The following ATP8B1 variants were observed in gnomAD, a reference collection of about 807,000 sequenced individuals.
ATP8B1 encodes ATPase phospholipid transporting 8B1.
In ATP8B1, 80 loss-of-function variants were observed where a neutral mutation model predicts 149.9. The ratio of observed to expected loss-of-function variants is 0.53; its 90% CI spans 0.45 to 0.64. ATP8B1 has a LOEUF of 0.64. Among genes scored for constraint, ATP8B1 ranks in the 30% least tolerant of loss-of-function variants. ATP8B1 has a pLI of 0.00. For synonymous variants in ATP8B1, 536 were observed against 562.8 expected (o/e 0.95, Z 0.67); for missense variants, 1,247 against 1,552.6 (o/e 0.80, Z 3.31).
chr18:57,662,942 T>C (rs1422936532), intron 20 of ATP8B1, among the ~76,000 whole-genome samples: 4 of 152,108 alleles, frequency 2.6e-5, no homozygotes, highest in Non-Finnish European at 5.9e-5. Context: ...TTTGTAGCAA[T>C]AGGGTTTTGC....
At chr18:57,719,330 C>G (rs1004456486) in intron 2 of ATP8B1, among the ~76,000 whole-genome samples, 12 of 152,210 alleles carry the variant, frequency 7.9e-5, no homozygotes, top group Non-Finnish European at 1.6e-4. Context: ...GGTGATTTCT[C>G]CATTTCCATC....
At chr18:57,666,312 A>T (rs1910852022) in intron 20 of ATP8B1, among the ~76,000 whole-genome samples, 1 of 152,136 alleles carries the variant, frequency 6.6e-6, no homozygotes, top group South Asian at 2.1e-4. Flanking sequence ...TAACATTTGA[A>T]TTATCAGGCC....
chr18:57,686,287 A>G lies in ATP8B1; in HGVS notation c.1430-1172T>C, dbSNP rs544995396. Among the ~76,000 whole-genome samples the G allele has an allele frequency of 3.9e-5, 6 of 152,186 alleles. No individual in the cohort carries two copies. In the South Asian group the frequency reaches 1.0e-3, roughly 26 times the overall value. ...CAAAAACAAAAACAACAAAGAAAAC[A>G]AACAATTGTAGTGAAATACACATAA... On this transcript the variant is annotated intron_variant, in intron 13 of 27. Coordinates refer to ENST00000648908, the MANE Select transcript of ATP8B1 (RefSeq NM_001374385.1).
At chr18:57,794,796 G>GAA (rs1278845435) in intron 1 of ATP8B1, among the ~76,000 whole-genome samples, 2 of 67,182 alleles carry the variant, frequency 3.0e-5, no homozygotes, top group Admixed American at 1.5e-4. Context: ...GCCTCAAAAA[G>GAA]AAAGAAAGAA....
At chr18:57,763,686 A>G (rs1023277499) in intron 1 of ATP8B1, among the ~76,000 whole-genome samples, 22 of 143,058 alleles carry the variant, frequency 1.5e-4, no homozygotes, top group Admixed American at 9.7e-4. Flanking sequence ...CTCTGACACA[A>G]TTCTTCACTG....
intron 12 of ATP8B1, among the ~76,000 whole-genome samples, chr18:57,689,127 A>C (rs1912403204): frequency 6.6e-6 from 1 of 152,172 alleles, no homozygotes; most frequent in African/African-American, 2.4e-5. Context: ...TGTTCAGAAT[A>C]CACAGCCCAG....
intron 1 of ATP8B1, among the ~76,000 whole-genome samples, chr18:57,753,870 G>A (rs936194411): frequency 7.0e-6 from 1 of 142,052 alleles, no homozygotes; most frequent in African/African-American, 2.7e-5. Flanking sequence ...GGAGGTTGCA[G>A]TGAGCTGAGA....
At chr18:57,672,886 G>GTATATATATATATA (rs1198919117) in intron 16 of ATP8B1, among the ~76,000 whole-genome samples, 1 of 14,070 alleles carries the variant, frequency 7.1e-5, no homozygotes, top group East Asian at 2.9e-3. Flanking sequence ...AAAAAAAAAA[G>GTATATATATATATA]TATATATATA....
chr18:57,747,161 C>T (rs948345444), intron 1 of ATP8B1, among the ~76,000 whole-genome samples: 5 of 152,142 alleles, frequency 3.3e-5, no homozygotes, highest in African/African-American at 7.2e-5. Context: ...CTTGAAAAGT[C>T]AGTGGCCCAG....
intron 8 of ATP8B1, 36 bp from the exon 9 acceptor site, chr18:57,695,568 A>C (rs746290918): frequency 6.5e-7 from 1 of 1,530,772 alleles, no homozygotes; most frequent in Admixed American, 1.7e-5. Context: ...TAAATGAACA[A>C]ATTTTTGAGT....
At chr18:57,725,424 G>T (rs555678440) in intron 2 of ATP8B1, among the ~76,000 whole-genome samples, 1 of 152,038 alleles carries the variant, frequency 6.6e-6, no homozygotes, top group Non-Finnish European at 1.5e-5. Flanking sequence ...CATGCTCATG[G>T]ATTGGAATAT....
intron 1 of ATP8B1, among the ~76,000 whole-genome samples, chr18:57,760,938 G>A (rs996727012): frequency 1.3e-5 from 2 of 151,758 alleles, no homozygotes; most frequent in African/African-American, 4.8e-5. Context: ...GCAGTGAGCC[G>A]AGATCGCACC....
chr18:57,690,232 A>T (rs1056299355), intron 12 of ATP8B1, among the ~76,000 whole-genome samples: 18 of 152,332 alleles, frequency 1.2e-4, no homozygotes, highest in Admixed American at 9.8e-4. Context: ...AAGAGCAGGG[A>T]CAAAGGCCCT....
At chr18:57,699,223 T>G (rs748836000) in intron 6 of ATP8B1, among the ~76,000 whole-genome samples, 2 of 152,250 alleles carry the variant, frequency 1.3e-5, no homozygotes, top group Non-Finnish European at 2.9e-5. Context: ...AATGCAAATA[T>G]AGACTATACC....
intron 13 of ATP8B1, among the ~76,000 whole-genome samples, chr18:57,687,038 A>G (rs761124222): frequency 1.3e-5 from 2 of 152,018 alleles, no homozygotes; most frequent in African/African-American, 4.8e-5. Context: ...TTTGTTACCC[A>G]AGCTGGTCTA....
At chr18:57,729,947 C>T (rs2079744701) in intron 2 of ATP8B1, among the ~76,000 whole-genome samples, 1 of 152,076 alleles carries the variant, frequency 6.6e-6, no homozygotes, top group Non-Finnish European at 1.5e-5. Context: ...AGCTTGAAAT[C>T]AAAACCAGAA....
At chr18:57,798,977 T>A (rs2080546598) in intron 1 of ATP8B1, among the ~76,000 whole-genome samples, 1 of 152,194 alleles carries the variant, frequency 6.6e-6, no homozygotes, top group South Asian at 2.1e-4. Context: ...AGAAAGGCAA[T>A]GGCTGGGTGA....
At chr18:57,778,401 AT>A (rs148317260) in intron 1 of ATP8B1, among the ~76,000 whole-genome samples, 47 of 143,756 alleles carry the variant, frequency 3.3e-4, no homozygotes, top group African/African-American at 8.7e-4. Flanking sequence ...AATTTTTTGT[AT>A]TTTTTTTTTA....
rs190363028 is a variant in ATP8B1 at position 57,698,337 on chromosome 18, T to G, written c.555-470A>C. ...CTGCTGTTTAAATTATCTTTATTAT[T>G]TATTTATTAATTTTTTTTTTCATTG... On this transcript the variant is annotated intron_variant, in intron 6 of 27. Coordinates refer to ENST00000648908, the MANE Select transcript of ATP8B1 (RefSeq NM_001374385.1). 2.6e-3 allele frequency among the ~76,000 whole-genome samples: 385 copies of G among 149,738 alleles called. 2 individuals carry two copies. The highest frequency in any genetic ancestry group is 0.018 in the South Asian group (87 of 4,786).
Sources: gnomAD v4.1 joint callset for allele counts (sites outside exome capture counted in the v4.1 genomes callset) on GRCh38, gnomAD v4.1.1 for gene constraint, MANE v1.5 for transcripts, NCBI Gene and HGNC (gene_info 2026-07-23, HGNC 2026-07-21) for gene names.